BABAM2: variants seen among roughly 807,000 people sequenced by gnomAD.
BABAM2 encodes the protein BRISC and BRCA1 A complex member 2.
In BABAM2, 31 loss-of-function variants were observed where a neutral mutation model predicts 54.7. The observed-to-expected ratio is 0.57, with a 90% confidence interval of 0.43 to 0.77. The LOEUF (loss-of-function observed/expected upper bound fraction) is 0.77, where lower values mean the gene tolerates loss of function less well. Ranked by LOEUF, BABAM2 falls within the 30% of genes least tolerant of loss-of-function variation. The pLI, the probability that BABAM2 is intolerant of heterozygous loss-of-function variation, is 0.00. For missense variants in BABAM2, 364 were observed against 455.8 expected (o/e 0.80, Z 1.83); for synonymous variants, 167 against 162.9 (o/e 1.03, Z -0.19).
At chr2:27,931,527 ACT>A (rs1573197238) in intron 3 of BABAM2, among the ~76,000 whole-genome samples, 1 of 151,544 alleles carries the variant, frequency 6.6e-6, no homozygotes, top group Non-Finnish European at 1.5e-5. Context: ...ATGCCCCTTA[ACT>A]CTGTTTTCTT....
At chr2:28,301,899 G>A (rs140088726) in intron 11 of BABAM2, among the ~76,000 whole-genome samples, 272 of 152,252 alleles carry the variant, frequency 1.8e-3, no homozygotes, top group African/African-American at 6.3e-3. Context: ...TATATACAAT[G>A]GAGTGGACAG....
At chr2:27,901,797 T>C (rs970168324) in intron 2 of BABAM2, among the ~76,000 whole-genome samples, 2 of 152,234 alleles carry the variant, frequency 1.3e-5, no homozygotes, top group Admixed American at 6.5e-5. Flanking sequence ...AACTTTTCTG[T>C]ACTTTTCCCT....
intron 7 of BABAM2, among the ~76,000 whole-genome samples, chr2:28,178,467 A>G (rs921379249): frequency 1.3e-5 from 2 of 152,136 alleles, no homozygotes; most frequent in African/African-American, 4.8e-5. Context: ...AAATCAAAAC[A>G]TAGCACACCA....
chr2:27,986,994 C>T (rs1672443825), intron 3 of BABAM2, among the ~76,000 whole-genome samples: 1 of 152,108 alleles, frequency 6.6e-6, no homozygotes, highest in African/African-American at 2.4e-5. Context: ...TCTAAATTTG[C>T]TAATGAGACT....
intron 3 of BABAM2, among the ~76,000 whole-genome samples, chr2:27,961,426 A>G (rs1428574726): frequency 2.0e-5 from 3 of 152,232 alleles, no homozygotes; most frequent in African/African-American, 4.8e-5. Context: ...TCAACACTTT[A>G]TTATAAAATA....
At chr2:28,144,807 G>C (rs970537567) in intron 7 of BABAM2, among the ~76,000 whole-genome samples, 6 of 152,174 alleles carry the variant, frequency 3.9e-5, no homozygotes, top group Non-Finnish European at 5.9e-5. Flanking sequence ...AGATATTAAG[G>C]CACACAGATG....
chr2:28,282,723 G>A (rs1026019795), intron 10 of BABAM2, among the ~76,000 whole-genome samples: 2 of 152,008 alleles, frequency 1.3e-5, no homozygotes, highest in African/African-American at 4.8e-5. Flanking sequence ...TTTATAGCCG[G>A]GCACGGTGGC....
intron 6 of BABAM2, among the ~76,000 whole-genome samples, chr2:28,067,894 C>T (rs1368645985): frequency 6.6e-6 from 1 of 152,146 alleles, no homozygotes; most frequent in Admixed American, 6.5e-5. Flanking sequence ...GTGCCCTGAA[C>T]ACAGTGTATA....
intron 6 of BABAM2, among the ~76,000 whole-genome samples, chr2:28,085,681 C>CA (rs564169936): frequency 7.8e-4 from 119 of 152,122 alleles, no homozygotes; most frequent in Non-Finnish European, 1.6e-3. Context: ...GTGTGTCATG[C>CA]AATTGATTCT....
intron 4 of BABAM2, among the ~76,000 whole-genome samples, chr2:27,998,596 A>G (rs1002446970): frequency 2.0e-4 from 31 of 152,144 alleles, no homozygotes; most frequent in African/African-American, 7.0e-4. Flanking sequence ...GCACCTCTGC[A>G]GGAAGATAAA....
intron 6 of BABAM2, among the ~76,000 whole-genome samples, chr2:28,048,040 A>C (rs1274936977): frequency 6.6e-6 from 1 of 152,226 alleles, no homozygotes; most frequent in African/African-American, 2.4e-5. Flanking sequence ...TACTAGGCCT[A>C]TAATTGATAG....
chr2:27,939,069 C>T (rs1668689688), intron 3 of BABAM2, among the ~76,000 whole-genome samples: 1 of 152,128 alleles, frequency 6.6e-6, no homozygotes, highest in African/African-American at 2.4e-5. Flanking sequence ...TCTCCTGTCT[C>T]AGCCTCCTGA....
Position 28,241,162 on chromosome 2 carries a change from GAAGC to G in BABAM2, c.781-157_781-154del, listed in dbSNP as rs1176197063. On this transcript the variant is annotated intron_variant, in intron 8 of 11. Transcript: ENST00000379624. The stretch of plus-strand genomic sequence containing the variant: ...TTGATAGATAGATGGATGGCTGGAG[GAAGC>G]AAGTAGGCACAATAGTCACAGTTGT... Among the ~76,000 whole-genome samples, 7 of 152,304 alleles carry G rather than the reference GAAGC, an allele frequency of 4.6e-5. No individual in the cohort carries two copies. In the South Asian group the frequency reaches 1.5e-3, roughly 32 times the overall value.
chr2:28,198,268 A>G (rs374902120), intron 7 of BABAM2, among the ~76,000 whole-genome samples: 3 of 151,586 alleles, frequency 2.0e-5, no homozygotes, highest in East Asian at 3.9e-4. Flanking sequence ...GGTTCACGCC[A>G]TTTTCCTGCC....
At chr2:27,918,338 G>A (rs1049868801) in intron 2 of BABAM2, among the ~76,000 whole-genome samples, 2 of 152,032 alleles carry the variant, frequency 1.3e-5, no homozygotes, top group African/African-American at 4.8e-5. Flanking sequence ...TATAGTCTTT[G>A]TCCTTTTTTG....
At chr2:27,889,639 T>C (rs917219539), upstream of BABAM2, among the ~76,000 whole-genome samples, 5 of 152,334 alleles carry the variant, frequency 3.3e-5, no homozygotes, top group South Asian at 2.1e-4. Context: ...TTTTCAGAGG[T>C]TGTAAATACT....
intron 7 of BABAM2, among the ~76,000 whole-genome samples, chr2:28,214,645 C>T (rs1454412426): frequency 6.6e-6 from 1 of 152,118 alleles, no homozygotes; most frequent in Non-Finnish European, 1.5e-5. Context: ...TGACAGCAGA[C>T]AATTCTTGCC....
Position 27,982,128 on chromosome 2 carries a change from A to G in BABAM2, c.206-5865A>G, listed in dbSNP as rs1672051517. On this transcript the variant is annotated intron_variant, in intron 3 of 11. Coordinates refer to ENST00000379624, the MANE Select transcript of BABAM2 (RefSeq NM_199191.3). ...GGCTAATGATCTTGAACATCTTTCT[A>G]TGTATTTATTTGACATTTGTATATC... Among the ~76,000 whole-genome samples the G allele has an allele frequency of 4.6e-5, 7 of 152,186 alleles. No individual in the cohort carries two copies. In the South Asian group the frequency reaches 1.4e-3, roughly 32 times the overall value.
chr2:27,970,846 A>T (rs984972354), intron 3 of BABAM2, among the ~76,000 whole-genome samples: 1 of 152,064 alleles, frequency 6.6e-6, no homozygotes, highest in African/African-American at 2.4e-5. Flanking sequence ...TTGGTTATTC[A>T]TGACATTAAT....
Sources: allele counts gnomAD v4.1 joint callset (sites outside exome capture counted in the v4.1 genomes callset), GRCh38; gene constraint gnomAD v4.1.1; transcripts MANE v1.5; gene names NCBI Gene and HGNC (gene_info 2026-07-23, HGNC 2026-07-21).